Variants in PTPRT observed in about 807,000 individuals in gnomAD.
The protein encoded by PTPRT is receptor-type tyrosine-protein phosphatase T.
In PTPRT, 56 loss-of-function variants were observed where a neutral mutation model predicts 176.8. The ratio of observed to expected loss-of-function variants is 0.32; its 90% CI spans 0.26 to 0.40. The LOEUF (loss-of-function observed/expected upper bound fraction) is 0.40. Ranked by LOEUF, PTPRT falls within the 10% of genes least tolerant of loss-of-function variation. The pLI is 1.00. For missense variants in PTPRT, 1,540 were observed against 1,908.2 expected (o/e 0.81, Z 3.60); for synonymous variants, 783 against 739.0 (o/e 1.06, Z -0.96).
chr20:42,368,711 G>A (rs115458529), intron 9 of PTPRT, among the ~76,000 whole-genome samples: 311 of 152,318 alleles, frequency 2.0e-3, no homozygotes, highest in Middle Eastern at 0.01. Context: ...TGATTTGGAT[G>A]AAGCCTCCTT....
chr20:42,678,813 A>T (rs1244776764), intron 6 of PTPRT, among the ~76,000 whole-genome samples: 1 of 152,122 alleles, frequency 6.6e-6, no homozygotes, highest in African/African-American at 2.4e-5. Context: ...TCAAAGGAAA[A>T]CCTGCTTTTG....
At chr20:42,861,439 T>C (rs901256063) in intron 2 of PTPRT, among the ~76,000 whole-genome samples, 1 of 152,182 alleles carries the variant, frequency 6.6e-6, no homozygotes, top group Non-Finnish European at 1.5e-5. Context: ...TCAAAATATT[T>C]TTTTCTTTTG....
At chr20:42,335,350 T>G (rs1454851865) in intron 11 of PTPRT, among the ~76,000 whole-genome samples, 1 of 152,174 alleles carries the variant, frequency 6.6e-6, no homozygotes, top group East Asian at 1.9e-4. Flanking sequence ...TCCAGTCAAC[T>G]TTCTCAACAC....
At chr20:42,583,830 C>T (rs1366997288) in intron 7 of PTPRT, among the ~76,000 whole-genome samples, 1 of 152,162 alleles carries the variant, frequency 6.6e-6, no homozygotes, top group Non-Finnish European at 1.5e-5. Context: ...AATTTTAAAT[C>T]ACATTGAAAT....
chr20:42,443,509 A>G (rs2059337249), intron 9 of PTPRT, among the ~76,000 whole-genome samples: 1 of 152,232 alleles, frequency 6.6e-6, no homozygotes, highest in Non-Finnish European at 1.5e-5. Context: ...CAAATCCCCA[A>G]AGATCTGAGG....
At chr20:42,759,100 C>T (rs1200341648) in intron 5 of PTPRT, among the ~76,000 whole-genome samples, 3 of 152,124 alleles carry the variant, frequency 2.0e-5, no homozygotes, top group African/African-American at 7.2e-5. Flanking sequence ...ATAGGAGGGC[C>T]TTGGAAGCAG....
chr20:42,053,921 ATCTT>A, the PTPRT span, among the ~76,000 whole-genome samples: 1 of 152,160 alleles, frequency 6.6e-6, no homozygotes, highest in Non-Finnish European at 1.5e-5. Context: ...AGAGGGGTCT[ATCTT>A]TCATCAGATT....
At chr20:43,083,353 T>TATATATATATATATATATAC in intron 1 of PTPRT, among the ~76,000 whole-genome samples, 1 of 128,454 alleles carries the variant, frequency 7.8e-6, no homozygotes, top group Admixed American at 8.2e-5. Flanking sequence ...TATATATATA[T>TATATATATATATATATATAC]ATATATATAT....
intron 13 of PTPRT, among the ~76,000 whole-genome samples, chr20:42,256,587 T>C (rs1337271544): frequency 1.3e-5 from 2 of 148,684 alleles, no homozygotes; most frequent in South Asian, 2.1e-4. Flanking sequence ...TAAATCAGGT[T>C]CCCCCCACCC....
intron 2 of PTPRT, among the ~76,000 whole-genome samples, chr20:42,868,185 C>G (rs1478965820): frequency 6.6e-6 from 1 of 152,156 alleles, no homozygotes; most frequent in Non-Finnish European, 1.5e-5. Flanking sequence ...AAGGGTGTTT[C>G]TGGCAAAGGT....
chr20:43,188,759 G>GC (rs1251518105), intron 1 of PTPRT, among the ~76,000 whole-genome samples: 1 of 149,008 alleles, frequency 6.7e-6, no homozygotes, highest in Non-Finnish European at 1.5e-5. Flanking sequence ...TGGGGGGGGG[G>GC]GGGCTCGGGG....
At chr20:42,829,775 G>A (rs1001889513) in intron 2 of PTPRT, among the ~76,000 whole-genome samples, 4 of 152,108 alleles carry the variant, frequency 2.6e-5, no homozygotes, top group Non-Finnish European at 4.4e-5. Context: ...TATTACCATT[G>A]ACTCCACAGA....
At chr20:42,925,072 G>T (rs1365242343) in intron 1 of PTPRT, among the ~76,000 whole-genome samples, 1 of 152,212 alleles carries the variant, frequency 6.6e-6, no homozygotes, top group Non-Finnish European at 1.5e-5. Flanking sequence ...AGCCACAAAT[G>T]ATGAGAATCA....
intron 12 of PTPRT, among the ~76,000 whole-genome samples, chr20:42,299,483 C>T (rs1309154325): frequency 1.3e-5 from 2 of 151,938 alleles, no homozygotes; most frequent in Non-Finnish European, 2.9e-5. Flanking sequence ...TCTGGAAATA[C>T]TTCTTGAGTA....
chr20:42,033,990 TATTA>T, the PTPRT span, among the ~76,000 whole-genome samples: 25 of 152,246 alleles, frequency 1.6e-4, no homozygotes, highest in African/African-American at 5.8e-4. Flanking sequence ...GTCTACATGT[TATTA>T]ATTAATATAT....
At chr20:42,902,788 C>A (rs1354192129) in intron 1 of PTPRT, among the ~76,000 whole-genome samples, 1 of 152,152 alleles carries the variant, frequency 6.6e-6, no homozygotes, top group Admixed American at 6.5e-5. Context: ...AACTTGATCC[C>A]AAAGCACAAA....
chr20:42,793,298 A>G (rs928922459), intron 2 of PTPRT, among the ~76,000 whole-genome samples: 5 of 152,016 alleles, frequency 3.3e-5, no homozygotes. Flanking sequence ...TGTATATTGT[A>G]TCCATTAAGT....
rs1288953428 is a variant in PTPRT at position 43,038,047 on chromosome 20, T to TTAAG, written c.88+151598_88+151599insCTTA. ...ACTGCTTCTGTGGCTACACCTGACC[T>TTAAG]GAGCCTATTTATAGCATTATTTATC... On this transcript the variant is annotated intron_variant, in intron 1 of 30. Coordinates refer to ENST00000373187, the MANE Select transcript of PTPRT (RefSeq NM_007050.6). Among the ~76,000 whole-genome samples the TTAAG allele has an allele frequency of 1.5e-3, 229 of 152,062 alleles. 1 individual carries two copies. Among genetic ancestry groups the TTAAG allele is most frequent in the African/African-American group, 5.3e-3 (217 of 41,324 alleles).
intron 16 of PTPRT, among the ~76,000 whole-genome samples, chr20:42,186,301 G>C (rs1233949081): frequency 1.3e-5 from 2 of 151,948 alleles, no homozygotes; most frequent in East Asian, 3.9e-4. Context: ...GCATGGTTGT[G>C]TTCTAATAAA....
Sources: gnomAD v4.1 joint callset for allele counts (sites outside exome capture counted in the v4.1 genomes callset) on GRCh38, gnomAD v4.1.1 for gene constraint, MANE v1.5 for transcripts, NCBI Gene and HGNC (gene_info 2026-07-23, HGNC 2026-07-21) for gene names.